The following CCDC158 variants were observed in gnomAD, a reference collection of about 807,000 sequenced individuals.
CCDC158 encodes the protein coiled-coil domain containing 158, also known as coiled-coil domain-containing protein 158.
CCDC158 carries 116 observed loss-of-function variants against 138.6 expected under a neutral mutation model. That is an observed-to-expected ratio of 0.84 (90% CI 0.72 to 0.98). The LOEUF (loss-of-function observed/expected upper bound fraction) is 0.98. Among genes scored for constraint, CCDC158 ranks in the 50% least tolerant of loss-of-function variants. The pLI is 0.00. For missense variants in CCDC158, 1,265 were observed against 1,306.1 expected (o/e 0.97, Z 0.48); for synonymous variants, 436 against 442.4 (o/e 0.99, Z 0.18).
intron 22 of CCDC158, among the ~76,000 whole-genome samples, chr4:76,327,036 A>T (rs1417361034): frequency 6.6e-6 from 1 of 152,162 alleles, no homozygotes; most frequent in East Asian, 1.9e-4. Context: ...TGACAATTGT[A>T]TGAAAGTTGG....
chr4:76,386,606 T>C (rs1726815834), intron 4 of CCDC158, among the ~76,000 whole-genome samples: 1 of 152,272 alleles, frequency 6.6e-6, no homozygotes, highest in Non-Finnish European at 1.5e-5. Context: ...TCCAATTCTT[T>C]GTTCAAGATG....
intron 3 of CCDC158, among the ~76,000 whole-genome samples, chr4:76,399,696 G>A (rs1728168187): frequency 6.6e-6 from 1 of 152,148 alleles, no homozygotes; most frequent in Non-Finnish European, 1.5e-5. Flanking sequence ...ATAGTTTGGG[G>A]AAAAGGGTTT....
intron 4 of CCDC158, among the ~76,000 whole-genome samples, chr4:76,395,659 T>C (rs78968569): frequency 6.6e-6 from 1 of 151,868 alleles, no homozygotes; most frequent in Non-Finnish European, 1.5e-5. Context: ...CCAGAATAGG[T>C]ACCAATGGAG....
chr4:76,336,046 G>A (rs1468073787), intron 18 of CCDC158, among the ~76,000 whole-genome samples: 1 of 151,606 alleles, frequency 6.6e-6, no homozygotes, highest in South Asian at 2.1e-4. Flanking sequence ...GCCGGGCATG[G>A]TGGCAGGCAC....
rs1285891141 is a variant in CCDC158 at position 76,384,417 on chromosome 4, TATGAAATAA to T, written c.399-11_399-3del. On this transcript the variant is annotated splice_region_variant and splice_polypyrimidine_tract_variant and intron_variant, in intron 5 of 24. Coordinates refer to ENST00000682701, the MANE Select transcript of CCDC158 (RefSeq NM_001394954.1). ...TCCTGGGACTGACTCTCCCTTCGTC[TATGAAATAA>T]ATGAAAGAAAATAAATAACATTGAT... The T allele has an allele frequency of 1.9e-6, 3 of 1,602,676 alleles. No individual in the cohort carries two copies. Among genetic ancestry groups the T allele is most frequent in the East Asian group, 4.5e-5 (2 of 44,724 alleles).
intron 9 of CCDC158, 82 bp from the exon 10 acceptor site, chr4:76,371,618 G>A (rs896314927): frequency 1.3e-6 from 2 of 1,506,744 alleles, no homozygotes; most frequent in African/African-American, 1.4e-5. Flanking sequence ...GAAAACAAAT[G>A]GTATTATTTT....
chr4:76,416,465 C>G (rs941820909), intron 1 of CCDC158, among the ~76,000 whole-genome samples: 14 of 152,210 alleles, frequency 9.2e-5, no homozygotes, highest in African/African-American at 3.4e-4. Flanking sequence ...TAATGTTAAT[C>G]CCCAAGACCA....
chr4:76,396,077 T>A (rs538565512), intron 4 of CCDC158, among the ~76,000 whole-genome samples, 192 bp downstream of exon 4: 4 of 152,284 alleles, frequency 2.6e-5, no homozygotes, highest in African/African-American at 9.6e-5. Flanking sequence ...GAAAAATAAA[T>A]ATGTAGACTT....
chr4:76,314,981 T>C (rs932579694), intron 24 of CCDC158, among the ~76,000 whole-genome samples: 1 of 152,142 alleles, frequency 6.6e-6, no homozygotes, highest in African/African-American at 2.4e-5. Context: ...GTGAAAGCCA[T>C]ACTTGCTTTG....
chr4:76,328,645 A>T (rs1260298681), intron 22 of CCDC158, among the ~76,000 whole-genome samples: 1 of 152,214 alleles, frequency 6.6e-6, no homozygotes, highest in East Asian at 1.9e-4. Context: ...ACACCTGGGC[A>T]AAGGCTTTAA....
chr4:76,319,308 C>T (rs1560776574), intron 24 of CCDC158, among the ~76,000 whole-genome samples: 1 of 149,560 alleles, frequency 6.7e-6, no homozygotes, highest in Non-Finnish European at 1.5e-5. Flanking sequence ...TGGCATGTGC[C>T]TGTAATCCCA....
chr4:76,396,263 A>G lies in CCDC158; in HGVS notation c.288+6T>C. On this transcript the variant is annotated splice_donor_region_variant and intron_variant, in intron 4 of 24. Transcript: ENST00000682701. ...GCATCAGGTGCTAGAAGAGAAGGCA[A>G]CTCACTTCATTTAGTCTTCTCTGTA... The G allele has an allele frequency of 6.2e-7, 1 of 1,600,470 alleles. No individual in the cohort carries two copies. Among genetic ancestry groups the G allele is most frequent in the Non-Finnish European group, 8.6e-7 (1 of 1,169,248 alleles).
intron 3 of CCDC158, chr4:76,401,131 T>C (rs1728343860): frequency 4.7e-6 from 1 of 213,746 alleles, no homozygotes; most frequent in African/African-American, 2.4e-5. Flanking sequence ...ATTTTTGATA[T>C]GGGTACACTA....
At position 76,369,406 on chromosome 4, in the gene CCDC158, C is replaced by T. The variant is rs1725012189; in HGVS notation, c.1347+20G>A. 1.2e-6 allele frequency: 2 copies of T among 1,610,666 alleles called. No individual in the cohort carries two copies. Among genetic ancestry groups the T allele is most frequent in the African/African-American group, 1.3e-5 (1 of 74,820 alleles). ...CAGAGGAGATTGTTTGGCGATGGCA[C>T]AGCCTGTGCAGGCACTGACCTGCCG... On this transcript the variant is annotated intron_variant, in intron 11 of 24. Transcript: ENST00000682701.
intron 2 of CCDC158, among the ~76,000 whole-genome samples, chr4:76,403,950 A>G (rs1291494274): frequency 6.6e-6 from 1 of 152,178 alleles, no homozygotes; most frequent in African/African-American, 2.4e-5. Context: ...AGATAAATTC[A>G]TCCCCAGAGG....
At chr4:76,389,482 A>G (rs917444554) in intron 4 of CCDC158, among the ~76,000 whole-genome samples, 4 of 152,150 alleles carry the variant, frequency 2.6e-5, no homozygotes, top group Admixed American at 2.0e-4. Flanking sequence ...TAGCCTCAAA[A>G]GGGCAAATCT....
intron 1 of CCDC158, among the ~76,000 whole-genome samples, chr4:76,416,138 T>G (rs1729678921): frequency 6.6e-6 from 1 of 151,552 alleles, no homozygotes; most frequent in South Asian, 2.1e-4. Context: ...AAGCTGTCTC[T>G]CTCTCTCTCC....
intron 1 of CCDC158, among the ~76,000 whole-genome samples, chr4:76,420,128 A>G (rs1294770054): frequency 6.6e-6 from 1 of 151,970 alleles, no homozygotes; most frequent in African/African-American, 2.4e-5. Context: ...TGAGCGCAGT[A>G]CAGAGATAGG....
intron 2 of CCDC158, among the ~76,000 whole-genome samples, chr4:76,408,830 A>G (rs1246728665): frequency 2.0e-5 from 3 of 152,196 alleles, no homozygotes; most frequent in Non-Finnish European, 4.4e-5. Context: ...CTATTTCTCC[A>G]CATCCTCTCC....
Sources: allele counts gnomAD v4.1 joint callset (sites outside exome capture counted in the v4.1 genomes callset), GRCh38; gene constraint gnomAD v4.1.1; transcripts MANE v1.5; gene names NCBI Gene and HGNC (gene_info 2026-07-23, HGNC 2026-07-21).